SNTG2: variants seen among roughly 807,000 people sequenced by gnomAD.
SNTG2 encodes the protein syntrophin gamma 2.
Under a neutral mutation model 70.9 loss-of-function variants are expected in SNTG2, and 74 were observed. The observed-to-expected ratio is 1.04, with a 90% CI of 0.86 to 1.27. The LOEUF is 1.27. Among genes scored for constraint, SNTG2 ranks in the 50% most tolerant of loss-of-function variants. The probability of loss-of-function intolerance (pLI) is 0.00; values close to 1 mark genes in which losing one functional copy is unlikely to be tolerated. For missense variants in SNTG2, 717 were observed against 690.7 expected (o/e 1.04, Z -0.43); for synonymous variants, 278 against 273.8 (o/e 1.02, Z -0.15).
At chr2:969,619 G>T (rs777071022) in intron 1 of SNTG2, among the ~76,000 whole-genome samples, 52 of 152,126 alleles carry the variant, frequency 3.4e-4, no homozygotes, top group Non-Finnish European at 5.1e-4. Context: ...ATTTTTGTGT[G>T]TGATTATGGT....
At chr2:1,048,062 AT>A (rs1368725078) in intron 1 of SNTG2, among the ~76,000 whole-genome samples, 1 of 152,092 alleles carries the variant, frequency 6.6e-6, no homozygotes, top group Non-Finnish European at 1.5e-5. Flanking sequence ...TAACATTTTA[AT>A]GTTATTTTAA....
intron 9 of SNTG2, among the ~76,000 whole-genome samples, chr2:1,237,257 T>C (rs1229761642): frequency 6.6e-6 from 1 of 152,206 alleles, no homozygotes; most frequent in Non-Finnish European, 1.5e-5. Context: ...TGCACTATTT[T>C]CTTAAGAAAA....
At chr2:1,152,921 C>T (rs758097545) in intron 6 of SNTG2, among the ~76,000 whole-genome samples, 12 of 152,036 alleles carry the variant, frequency 7.9e-5, no homozygotes, top group Non-Finnish European at 1.5e-4. Flanking sequence ...GTCAGGAGTT[C>T]GAGACCAGCC....
chr2:1,016,961 T>C (rs762780807), intron 1 of SNTG2, among the ~76,000 whole-genome samples: 6 of 152,204 alleles, frequency 3.9e-5, no homozygotes, highest in Non-Finnish European at 7.3e-5. Flanking sequence ...CTGAAGCTGC[T>C]GCTGTGGCTG....
chr2:1,132,916 G>A (rs1163378311), intron 4 of SNTG2, among the ~76,000 whole-genome samples: 1 of 152,192 alleles, frequency 6.6e-6, no homozygotes, highest in Non-Finnish European at 1.5e-5. Context: ...GGCCACATAT[G>A]TGTCCCCAAA....
At chr2:1,180,529 C>T (rs150253120) in intron 8 of SNTG2, among the ~76,000 whole-genome samples, 3,525 of 137,050 alleles carry the variant, frequency 0.026, 306 homozygotes, top group African/African-American at 0.086. Context: ...TACCATCTCA[C>T]ACCAGTTAGA....
Position 968,074 on chromosome 2 carries a change from A to G in SNTG2, c.72+17006A>G, listed in dbSNP as rs112258873. ...TTTTATAGTTCCACAGATTTCCTTT[A>G]GTATTTGTATTATTTCTTGCATAAA... On this transcript the variant is annotated intron_variant, in intron 1 of 16. Transcript: ENST00000308624. 1.2e-3 allele frequency among the ~76,000 whole-genome samples: 189 copies of G among 151,860 alleles called. 2 individuals carry two copies. The highest frequency in any genetic ancestry group is 4.3e-3 in the African/African-American group (180 of 41,454).
intron 9 of SNTG2, among the ~76,000 whole-genome samples, chr2:1,224,497 CTG>C (rs1675629674): frequency 6.6e-6 from 1 of 152,202 alleles, no homozygotes; most frequent in African/African-American, 2.4e-5. Context: ...GTTACCTGCT[CTG>C]TGCTTACCTC....
At chr2:1,319,273 G>A (rs1413417050) in intron 16 of SNTG2, among the ~76,000 whole-genome samples, 2 of 152,182 alleles carry the variant, frequency 1.3e-5, no homozygotes, top group African/African-American at 4.8e-5. Flanking sequence ...AAAAGAGAAC[G>A]CCCCAGGGAG....
intron 8 of SNTG2, among the ~76,000 whole-genome samples, chr2:1,183,347 A>AT (rs35404080): frequency 0.31 from 47,594 of 151,616 alleles, 7,987 homozygotes; most frequent in East Asian, 0.65. Flanking sequence ...TGTAGTATCC[A>AT]TTTCTTCTGG....
At chr2:1,145,194 A>G (rs1572557830) in intron 6 of SNTG2, among the ~76,000 whole-genome samples, 2 of 152,190 alleles carry the variant, frequency 1.3e-5, no homozygotes, top group East Asian at 3.8e-4. Flanking sequence ...GAAACCAGAA[A>G]AAGAGAAGCA....
chr2:1,037,815 G>T (rs1661215063), intron 1 of SNTG2, among the ~76,000 whole-genome samples: 1 of 152,044 alleles, frequency 6.6e-6, no homozygotes, highest in Admixed American at 6.6e-5. Context: ...CCATTTTATG[G>T]CTACAACATG....
In SNTG2 at chr2:1,278,084, T is replaced by C. The variant is rs115572391; in HGVS notation, c.1284+10513T>C. On this transcript the variant is annotated intron_variant, in intron 14 of 16. Coordinates refer to ENST00000308624, the MANE Select transcript of SNTG2 (RefSeq NM_018968.4). Reference sequence around the variant, plus strand: ...TCAGTTAATCGGTAAAATTTTCTTATAACTGGGACATCTCTTTCGGTTCCA... The same window carrying C: ...TCAGTTAATCGGTAAAATTTTCTTACAACTGGGACATCTCTTTCGGTTCCA... Among the ~76,000 whole-genome samples the C allele has an allele frequency of 1.7e-3, 258 of 152,386 alleles. 2 individuals carry two copies. The highest frequency in any genetic ancestry group is 6.0e-3 in the African/African-American group (251 of 41,588).
intron 16 of SNTG2, among the ~76,000 whole-genome samples, chr2:1,366,091 T>C (rs1215451058): frequency 6.6e-6 from 1 of 152,202 alleles, no homozygotes; most frequent in East Asian, 1.9e-4. Context: ...TCTTTCTTTC[T>C]GGTGTCATCT....
chr2:1,284,295 C>T (rs1679679650), intron 14 of SNTG2, among the ~76,000 whole-genome samples: 1 of 152,206 alleles, frequency 6.6e-6, no homozygotes, highest in Non-Finnish European at 1.5e-5. Flanking sequence ...TAATTGTTTA[C>T]ATTGTAACGT....
At chr2:1,231,011 A>C (rs146702221) in intron 9 of SNTG2, among the ~76,000 whole-genome samples, 1 of 145,708 alleles carries the variant, frequency 6.9e-6, no homozygotes. Context: ...CGAAAGGTGA[A>C]TTACTTAGGA....
At chr2:1,327,897 TG>T (rs1386888582) in intron 16 of SNTG2, among the ~76,000 whole-genome samples, 1 of 152,204 alleles carries the variant, frequency 6.6e-6, no homozygotes, top group African/African-American at 2.4e-5. Flanking sequence ...AAGAAATACC[TG>T]AGGCTGAGTA....
chr2:1,145,317 A>G (rs1669026697), intron 6 of SNTG2, among the ~76,000 whole-genome samples: 2 of 152,210 alleles, frequency 1.3e-5, no homozygotes, highest in South Asian at 4.1e-4. Context: ...TTGTAAATAT[A>G]AATAAACTTA....
chr2:965,864 G>A (rs1660545411), intron 1 of SNTG2, among the ~76,000 whole-genome samples: 1 of 152,148 alleles, frequency 6.6e-6, no homozygotes, highest in Admixed American at 6.5e-5. Flanking sequence ...GAGCCAGGCT[G>A]GCACCTGGGC....
Sources: allele counts gnomAD v4.1 joint callset (sites outside exome capture counted in the v4.1 genomes callset), GRCh38; gene constraint gnomAD v4.1.1; transcripts MANE v1.5; gene names NCBI Gene and HGNC (gene_info 2026-07-23, HGNC 2026-07-21).